WDPCP: variants seen among roughly 807,000 people sequenced by gnomAD.
The protein encoded by WDPCP is WD repeat-containing and planar cell polarity effector protein fritz homolog.
A neutral mutation model predicts 93.1 loss-of-function variants in WDPCP; 71 were observed. That is an observed-to-expected ratio of 0.76 (90% CI 0.63 to 0.93). WDPCP has a LOEUF of 0.93. Among genes scored for constraint, WDPCP ranks in the 40% least tolerant of loss-of-function variants. The pLI, the probability that WDPCP is intolerant of heterozygous loss-of-function variation, is 0.00. For synonymous variants in WDPCP, 315 were observed against 315.0 expected, an observed-to-expected ratio of 1.00 and a Z score of 0.00; for missense variants, 844 against 887.4, an observed-to-expected ratio of 0.95 and a Z score of 0.62.
At chr2:63,178,862 C>T (rs1490606965) in intron 14 of WDPCP, among the ~76,000 whole-genome samples, 3 of 151,964 alleles carry the variant, frequency 2.0e-5, no homozygotes, top group South Asian at 2.1e-4. Flanking sequence ...TCTGTTAGTA[C>T]TGTTTTCACT....
intron 1 of WDPCP, among the ~76,000 whole-genome samples, chr2:63,571,856 C>G (rs1333437905): frequency 6.6e-6 from 1 of 152,142 alleles, no homozygotes; most frequent in East Asian, 1.9e-4. Flanking sequence ...TATTTCAGCA[C>G]TGTTTCTATT....
intron 2 of WDPCP, among the ~76,000 whole-genome samples, chr2:63,749,487 C>T (rs1284291130): frequency 6.6e-6 from 1 of 151,992 alleles, no homozygotes; most frequent in African/African-American, 2.4e-5. Context: ...ACCCATACAA[C>T]CATTCTGTTT....
rs1671038543 is a variant in WDPCP at position 63,822,503 on chromosome 2, CAT to C, written n.222+5117_222+5118del. On this transcript the variant is annotated intron_variant and non_coding_transcript_variant, in intron 1 of 4. Coordinates refer to the WDPCP transcript ENST00000467687. ...GGATTTTACTTTATTATATGAATAA[CAT>C]ATAACTCACAGATTTGAAAAAGTCA... Among the ~76,000 whole-genome samples the C allele has an allele frequency of 2.6e-5, 4 of 152,236 alleles. No individual in the cohort carries two copies. In the South Asian group the frequency reaches 8.3e-4, roughly 32 times the overall value.
intron 1 of WDPCP, among the ~76,000 whole-genome samples, chr2:63,496,038 C>A (rs1701203714): frequency 6.6e-6 from 1 of 152,062 alleles, no homozygotes. Context: ...CAAAAGTCAC[C>A]AACTTCTAGA....
chr2:63,550,905 T>C (rs982212960), intron 1 of WDPCP, among the ~76,000 whole-genome samples: 8 of 152,042 alleles, frequency 5.3e-5, no homozygotes, highest in African/African-American at 1.9e-4. Context: ...AAATTGAACT[T>C]CTCTTCACCA....
At chr2:63,820,753 T>G (rs904704932) in intron 1 of WDPCP, among the ~76,000 whole-genome samples, 1 of 152,148 alleles carries the variant, frequency 6.6e-6, no homozygotes, top group African/African-American at 2.4e-5. Context: ...GTATCTTAGT[T>G]ATCCATACCA....
chr2:63,163,235 G>C (rs1672749536), intron 15 of WDPCP, among the ~76,000 whole-genome samples: 1 of 152,150 alleles, frequency 6.6e-6, no homozygotes, highest in African/African-American at 2.4e-5. Context: ...CTTAAAAATA[G>C]CTATAGAGTC....
chr2:63,826,979 TC>T (rs1397613116), intron 1 of WDPCP, among the ~76,000 whole-genome samples: 2 of 152,178 alleles, frequency 1.3e-5, no homozygotes, highest in Non-Finnish European at 2.9e-5. Context: ...AGGTCTCCCA[TC>T]TTTTGAAAAA....
At position 63,120,580 on chromosome 2, in the gene WDPCP, G is replaced by A. The variant is rs1269676086; in HGVS notation, c.*1426C>T. 7.0e-6 allele frequency among the ~76,000 whole-genome samples: 1 copy of A among 142,204 alleles called. No individual in the cohort carries two copies. Among genetic ancestry groups the A allele is most frequent in the Non-Finnish European group, 1.5e-5 (1 of 66,744 alleles). The allele number at this position is 142,204 out of a possible 152,430, so 93.3% of individuals were successfully genotyped here. ...CTTACTTTGTCACCCAGGCTGGAGC[G>A]TAATGGTGCGACCTCAGCTCACTGC... is the stretch of plus-strand genomic sequence containing the variant. On this transcript the variant is annotated 3_prime_UTR_variant, in exon 18 of 18. Transcript: ENST00000272321.
intron 6 of WDPCP, among the ~76,000 whole-genome samples, chr2:63,478,812 G>T (rs774593321): frequency 6.6e-6 from 1 of 151,804 alleles, no homozygotes; most frequent in Non-Finnish European, 1.5e-5. Flanking sequence ...CAGAAGAAAA[G>T]AAATAACAAA....
intron 15 of WDPCP, among the ~76,000 whole-genome samples, chr2:63,172,144 A>G (rs1673438979): frequency 6.6e-6 from 1 of 152,228 alleles, no homozygotes; most frequent in Non-Finnish European, 1.5e-5. Flanking sequence ...TTTACCAAAT[A>G]TCACTGACTT....
At chr2:63,252,161 C>T (rs959297229) in intron 14 of WDPCP, among the ~76,000 whole-genome samples, 1 of 152,130 alleles carries the variant, frequency 6.6e-6, no homozygotes, top group African/African-American at 2.4e-5. Context: ...TGATTCACCA[C>T]ATGAACAGAA....
chr2:63,800,947 C>T lies in WDPCP; in HGVS notation n.308+12675G>A, dbSNP rs572228214. Among the ~76,000 whole-genome samples, 11 of 151,890 alleles carry T rather than the reference C, an allele frequency of 7.2e-5. No homozygotes were observed. The East Asian group carries it at 1.6e-3, about 21-fold the overall frequency. ...TGTGTGCCTGTAGTCCCAGCTACTCCGGAGGCTGAGGTGGGAGGATCACTT... is the reference window on the plus strand; with the variant it reads ...TGTGTGCCTGTAGTCCCAGCTACTCTGGAGGCTGAGGTGGGAGGATCACTT... On this transcript the variant is annotated intron_variant and non_coding_transcript_variant, in intron 2 of 4. Transcript: ENST00000467687.
At chr2:63,593,624 T>C (rs1292150120), upstream of WDPCP, 2 of 471,734 alleles carry the variant, frequency 4.2e-6, no homozygotes, top group South Asian at 1.5e-5. Context: ...CATTTCTCCA[T>C]GCAGGTAGGG....
At chr2:63,806,373 G>A (rs566572043) in intron 2 of WDPCP, among the ~76,000 whole-genome samples, 1 of 152,236 alleles carries the variant, frequency 6.6e-6, no homozygotes, top group South Asian at 2.1e-4. Flanking sequence ...GTGCGAATAG[G>A]TGTGGGTCAC....
intron 1 of WDPCP, among the ~76,000 whole-genome samples, chr2:63,575,488 T>TAC (rs1558833249): frequency 0.2 from 2,680 of 13,106 alleles, 727 homozygotes; most frequent in East Asian, 0.46. Context: ...AGTGTATATA[T>TAC]AGTATATACA....
At chr2:63,550,187 T>C (rs1705481914) in intron 1 of WDPCP, among the ~76,000 whole-genome samples, 2 of 119,676 alleles carry the variant, frequency 1.7e-5, no homozygotes, top group African/African-American at 6.8e-5. Context: ...TCTCCCATCT[T>C]AAGAAACACA....
At chr2:63,493,274 T>A (rs1164742663) in intron 1 of WDPCP, among the ~76,000 whole-genome samples, 1 of 152,154 alleles carries the variant, frequency 6.6e-6, no homozygotes, top group Non-Finnish European at 1.5e-5. Context: ...AGCATTTTTT[T>A]AAGTTTTATT....
chr2:63,392,290 A>T (rs1239256199), intron 10 of WDPCP, among the ~76,000 whole-genome samples: 1 of 152,228 alleles, frequency 6.6e-6, no homozygotes, highest in African/African-American at 2.4e-5. Context: ...TGGGGAAAGG[A>T]TTCCCTATTT....
Sources: gnomAD v4.1 joint callset for allele counts (sites outside exome capture counted in the v4.1 genomes callset) on GRCh38, gnomAD v4.1.1 for gene constraint, MANE v1.5 for transcripts, NCBI Gene and HGNC (gene_info 2026-07-23, HGNC 2026-07-21) for gene names.